Variants in PALD1 observed in about 807,000 individuals in gnomAD.
PALD1 encodes phosphatase domain containing paladin 1.
Under a neutral mutation model 96.0 loss-of-function variants are expected in PALD1, and 57 were observed. That is an observed-to-expected ratio of 0.59 (90% CI 0.48 to 0.74). The LOEUF is 0.74. PALD1 is among the 30% of genes least tolerant of loss of function. PALD1 has a pLI of 0.00. For missense variants in PALD1, 1,063 were observed against 1,143.7 expected (o/e 0.93, Z 1.02); for synonymous variants, 464 against 473.6 (o/e 0.98, Z 0.26).
At chr10:70,501,024 G>T (rs1846282993) in intron 1 of PALD1, among the ~76,000 whole-genome samples, 1 of 152,192 alleles carries the variant, frequency 6.6e-6, no homozygotes. Context: ...CTGATGGAAT[G>T]TTGGCCTGTC....
intron 2 of PALD1, among the ~76,000 whole-genome samples, chr10:70,528,714 T>C (rs958335520): frequency 1.3e-5 from 2 of 152,298 alleles, no homozygotes; most frequent in South Asian, 4.1e-4. Flanking sequence ...AGCTCATCTC[T>C]TACATGCAAG....
At chr10:70,561,793 C>T (rs1258253500) in intron 18 of PALD1, among the ~76,000 whole-genome samples, 1 of 152,162 alleles carries the variant, frequency 6.6e-6, no homozygotes, top group Non-Finnish European at 1.5e-5. Flanking sequence ...TGGGGACTCA[C>T]CTCATTCTCG....
At chr10:70,494,392 A>T (rs1176751927) in intron 1 of PALD1, among the ~76,000 whole-genome samples, 1 of 152,214 alleles carries the variant, frequency 6.6e-6, no homozygotes, top group African/African-American at 2.4e-5. Context: ...AAATGTTTGT[A>T]GGATAGCTAC....
At chr10:70,464,234 A>C in the PALD1 span, among the ~76,000 whole-genome samples, 1 of 125,412 alleles carries the variant, frequency 8.0e-6, no homozygotes, top group African/African-American at 2.7e-5. Context: ...TTTTTGAGAC[A>C]GAGTTTCACT....
the PALD1 span, among the ~76,000 whole-genome samples, chr10:70,470,743 G>C: frequency 6.6e-6 from 1 of 151,478 alleles, no homozygotes; most frequent in Admixed American, 6.6e-5. Flanking sequence ...CAAGTAGCTG[G>C]AACTACAGGC....
chr10:70,474,980 G>A (rs989920164), upstream of PALD1, among the ~76,000 whole-genome samples: 1 of 151,758 alleles, frequency 6.6e-6, no homozygotes, highest in African/African-American at 2.4e-5. Flanking sequence ...CTCTGCCCTG[G>A]CAGGTTCAGG....
intron 1 of PALD1, among the ~76,000 whole-genome samples, chr10:70,482,789 A>C (rs974925850): frequency 1.3e-5 from 2 of 152,200 alleles, no homozygotes; most frequent in Non-Finnish European, 2.9e-5. Context: ...TAAGGATAGC[A>C]ACTCCCTTAT....
At chr10:70,556,498 G>A (rs1847615835) in intron 18 of PALD1, among the ~76,000 whole-genome samples, 1 of 151,918 alleles carries the variant, frequency 6.6e-6, no homozygotes, top group East Asian at 1.9e-4. Flanking sequence ...TTATTTTTCT[G>A]TAGAGACAGG....
the PALD1 span, among the ~76,000 whole-genome samples, chr10:70,458,550 C>A: frequency 6.6e-6 from 1 of 152,206 alleles, no homozygotes; most frequent in Non-Finnish European, 1.5e-5. Context: ...GCAAGAAGAC[C>A]GAGGCTGGAG....
chr10:70,550,498 C>G (rs1847459488), intron 18 of PALD1, among the ~76,000 whole-genome samples: 1 of 152,180 alleles, frequency 6.6e-6, no homozygotes, highest in South Asian at 2.1e-4. Flanking sequence ...ATTCATGTGC[C>G]ATGCAATTCA....
At chr10:70,553,920 G>A (rs1327760382) in intron 18 of PALD1, among the ~76,000 whole-genome samples, 1 of 152,264 alleles carries the variant, frequency 6.6e-6, no homozygotes, top group Non-Finnish European at 1.5e-5. Flanking sequence ...CAGCTGGGAG[G>A]TAGTGGAGCC....
intron 11 of PALD1, among the ~76,000 whole-genome samples, 183 bp from the exon 12 acceptor site, chr10:70,538,097 G>C (rs967290344): frequency 6.6e-6 from 1 of 152,178 alleles, no homozygotes; most frequent in Admixed American, 6.5e-5. Flanking sequence ...TCTTTCCACC[G>C]GGCCCTTGTC....
At chr10:70,496,402 G>A (rs1186732206) in intron 1 of PALD1, among the ~76,000 whole-genome samples, 1 of 152,148 alleles carries the variant, frequency 6.6e-6, no homozygotes, top group South Asian at 2.1e-4. Flanking sequence ...GTTCCCTGGT[G>A]CCCCTTCCCG....
intron 1 of PALD1, among the ~76,000 whole-genome samples, chr10:70,500,780 T>A (rs1265810457): frequency 6.6e-6 from 1 of 152,204 alleles, no homozygotes. Flanking sequence ...ACTCTCTTGC[T>A]CTGGTCCGTG....
At position 70,539,126 on chromosome 10, in the gene PALD1, C is replaced by T; in HGVS notation, c.1604C>T (p.Ala535Val). ...AGCATCCTGGCCTACCTGACGGACG[C>T]CAAGAGGAGGCTGCGGAAGGTTGTC... The part of the protein sequence containing the change: ...LGSILAYLTD[A>V]KRRLRKVVWV... Residue 535 changes from alanine (A) to valine (V), a missense_variant, in exon 14 of 20, where the codon GCC becomes GTC. Transcript: ENST00000263563. This position sits in a 1 kb window ranked among gnomAD's most constrained non-coding sequence, Gnocchi z 4.5. 6.2e-7 allele frequency: 1 copy of T among 1,613,858 alleles called. No homozygotes were observed. The highest frequency in any genetic ancestry group is 8.5e-7 in the Non-Finnish European group (1 of 1,179,886).
chr10:70,522,009 A>G (rs1846746799), intron 1 of PALD1, among the ~76,000 whole-genome samples: 1 of 152,228 alleles, frequency 6.6e-6, no homozygotes, highest in South Asian at 2.1e-4. Flanking sequence ...AAATGGTAAT[A>G]TTTGTCCTTA....
the PALD1 span, among the ~76,000 whole-genome samples, chr10:70,458,997 G>C: frequency 1.3e-5 from 2 of 152,224 alleles, no homozygotes; most frequent in Non-Finnish European, 2.9e-5. Context: ...TAAACCAAGG[G>C]ATTACTGCTG....
intron 3 of PALD1, 25 bp downstream of exon 3, chr10:70,529,356 G>C: frequency 8.3e-7 from 1 of 1,200,720 alleles, no homozygotes; most frequent in Non-Finnish European, 1.2e-6. Flanking sequence ...TACCCTGCCA[G>C]CCCGCCTGCT....
At chr10:70,526,191 A>T in intron 2 of PALD1, 55 bp downstream of exon 2, 1 of 1,495,276 alleles carries the variant, frequency 6.7e-7, no homozygotes, top group Admixed American at 1.7e-5. Flanking sequence ...GGGCGGGGGG[A>T]CCTGCTTGGG....
Sources: allele counts gnomAD v4.1 joint callset (sites outside exome capture counted in the v4.1 genomes callset), GRCh38; gene constraint gnomAD v4.1.1; non-coding constraint Gnocchi (gnomAD v3.1); transcripts MANE v1.5; gene names NCBI Gene and HGNC (gene_info 2026-07-23, HGNC 2026-07-21).